ROBO1: variants seen among roughly 807,000 people sequenced by gnomAD.
ROBO1 encodes roundabout homolog 1.
In ROBO1, 149 loss-of-function variants were observed where a neutral mutation model predicts 195.9. The ratio of observed to expected loss-of-function variants is 0.76; its 90% CI spans 0.67 to 0.87. The LOEUF (loss-of-function observed/expected upper bound fraction) is 0.87, where lower values mean the gene tolerates loss of function less well. Ranked by LOEUF, ROBO1 falls within the 40% of genes least tolerant of loss-of-function variation. The probability of loss-of-function intolerance (pLI) is 0.00; values close to 1 mark genes in which losing one functional copy is unlikely to be tolerated. For missense variants in ROBO1, 1,933 were observed against 2,068.3 expected (o/e 0.93, Z 1.27); for synonymous variants, 816 against 733.2 (o/e 1.11, Z -1.82).
rs777784646 is a variant in ROBO1, at chr3:78,746,761, A to T, written c.639T>A (p.Asp213Glu). 1 of 1,543,250 alleles carries T rather than the reference A, an allele frequency of 6.5e-7. No individual in the cohort carries two copies. The change falls in exon 5 of 31, where the codon GAT becomes GAA. Residue 213 changes from aspartate (D) to glutamate (E), a missense_variant. Physicochemically the swap from Asp to Glu is conservative, Grantham distance 45. Transcript: ENST00000464233. ...SWKKDGSPLD[D>E]KDERITIRGG... is the part of the protein sequence containing the mutation. The stretch of plus-strand genomic sequence containing the variant: ...TACTCACAGTTATTCTTTCATCTTT[A>T]TCATCCAGTGGAGAGCCATCTTTCT...
At chr3:79,764,879 G>T (rs1172469215) in intron 1 of ROBO1, among the ~76,000 whole-genome samples, 1 of 152,160 alleles carries the variant, frequency 6.6e-6, no homozygotes, top group Non-Finnish European at 1.5e-5. Context: ...ATTTTGTGCA[G>T]TATAGGGTAA....
At chr3:79,248,461 CAA>C (rs1491375503) in intron 2 of ROBO1, among the ~76,000 whole-genome samples, 2 of 130,076 alleles carry the variant, frequency 1.5e-5, no homozygotes, top group African/African-American at 5.8e-5. Flanking sequence ...GGAAGAAAAA[CAA>C]AAGACTGACA....
intron 4 of ROBO1, among the ~76,000 whole-genome samples, chr3:78,859,501 G>A (rs1054493322): frequency 3.9e-5 from 6 of 152,056 alleles, no homozygotes; most frequent in South Asian, 2.1e-4. Flanking sequence ...TTGAATGTTG[G>A]TTGTTCAACC....
At chr3:79,414,372 CAA>C (rs2037911716) in intron 2 of ROBO1, among the ~76,000 whole-genome samples, 1 of 151,896 alleles carries the variant, frequency 6.6e-6, no homozygotes, top group Non-Finnish European at 1.5e-5. Flanking sequence ...AGAAAATTGT[CAA>C]AAGTTTGTTG....
chr3:79,563,106 G>A (rs1273610386), intron 2 of ROBO1, among the ~76,000 whole-genome samples: 1 of 152,022 alleles, frequency 6.6e-6, no homozygotes, highest in Non-Finnish European at 1.5e-5. Flanking sequence ...AAGTGTCAAA[G>A]CATAATCATC....
intron 1 of ROBO1, among the ~76,000 whole-genome samples, chr3:79,623,135 TCAACAACAA>T (rs34450942): frequency 1.4e-4 from 21 of 150,826 alleles, no homozygotes; most frequent in Admixed American, 7.3e-4. Flanking sequence ...AACAATGGCA[TCAACAACAA>T]CAACAACAAC....
intron 2 of ROBO1, among the ~76,000 whole-genome samples, chr3:79,524,260 T>A (rs1941338970): frequency 6.6e-6 from 1 of 151,964 alleles, no homozygotes; most frequent in Non-Finnish European, 1.5e-5. Context: ...AATCATTAAA[T>A]TTGAACTGTA....
intron 2 of ROBO1, among the ~76,000 whole-genome samples, chr3:79,502,291 G>C (rs980358813): frequency 6.6e-6 from 1 of 152,142 alleles, no homozygotes; most frequent in Admixed American, 6.5e-5. Context: ...GCTGCGCGCG[G>C]CGCTTGCGGG....
At chr3:79,436,232 T>C (rs1282873340) in intron 2 of ROBO1, among the ~76,000 whole-genome samples, 6 of 152,192 alleles carry the variant, frequency 3.9e-5, no homozygotes, top group South Asian at 4.1e-4. Context: ...ACAAATTGCA[T>C]ATGGTTAGTT....
Position 79,602,938 on chromosome 3 carries a change from CTT to C in ROBO1, c.-50-12979_-50-12978del, listed in dbSNP as rs577536938. On this transcript the variant is annotated intron_variant, in intron 1 of 30. Coordinates refer to ENST00000464233, the MANE Select transcript of ROBO1 (RefSeq NM_002941.4). ...TTGCATGTTAGATCTTGGCTCAACT[CTT>C]TTAATAGCGATATTAGCCATAAATA... Among the ~76,000 whole-genome samples the C allele has an allele frequency of 4.5e-3, 685 of 152,072 alleles. 7 individuals carry two copies. Among genetic ancestry groups the C allele is most frequent in the Non-Finnish European group, 7.0e-3 (477 of 67,936 alleles).
At chr3:79,719,846 C>G (rs2107286376) in intron 1 of ROBO1, among the ~76,000 whole-genome samples, 2 of 152,182 alleles carry the variant, frequency 1.3e-5, no homozygotes, top group East Asian at 3.9e-4. Context: ...ATGAGCTTTT[C>G]AAATATTTAT....
intron 3 of ROBO1, among the ~76,000 whole-genome samples, chr3:79,040,767 A>G (rs2108331201): frequency 6.6e-6 from 1 of 152,304 alleles, no homozygotes; most frequent in Middle Eastern, 3.4e-3. Context: ...TACAATTCCT[A>G]GCTCTTGATC....
chr3:79,044,125 C>A (rs2078542282), intron 3 of ROBO1, among the ~76,000 whole-genome samples: 2 of 25,736 alleles, frequency 7.8e-5, no homozygotes, highest in African/African-American at 1.2e-4. Flanking sequence ...AGTTGATGAG[C>A]TAAAAAAAAA....
chr3:79,623,107 G>A (rs553984327), intron 1 of ROBO1, among the ~76,000 whole-genome samples: 44 of 151,636 alleles, frequency 2.9e-4, no homozygotes, highest in Admixed American at 2.1e-3. Flanking sequence ...AAAGAAAAAC[G>A]AACCTACAGA....
chr3:79,436,528 C>T (rs1352836948), intron 2 of ROBO1, among the ~76,000 whole-genome samples: 1 of 152,062 alleles, frequency 6.6e-6, no homozygotes, highest in East Asian at 1.9e-4. Flanking sequence ...TTAGTCAACT[C>T]AATGTTATTT....
chr3:78,746,028 G>A (rs1040347583), intron 5 of ROBO1, among the ~76,000 whole-genome samples: 3 of 152,150 alleles, frequency 2.0e-5, no homozygotes, highest in Non-Finnish European at 4.4e-5. Flanking sequence ...GAATCGTAAA[G>A]GGAAATATTG....
chr3:79,439,176 A>T (rs1311337307), intron 2 of ROBO1, among the ~76,000 whole-genome samples: 1 of 152,100 alleles, frequency 6.6e-6, no homozygotes, highest in Non-Finnish European at 1.5e-5. Context: ...TACCACTAAT[A>T]AATATATGTC....
intron 3 of ROBO1, among the ~76,000 whole-genome samples, chr3:78,984,002 T>C (rs1383755166): frequency 6.6e-6 from 1 of 152,228 alleles, no homozygotes; most frequent in African/African-American, 2.4e-5. Flanking sequence ...GAATTCATGC[T>C]ATTCATGCAT....
At chr3:79,446,421 CACTTG>C (rs1158757128) in intron 2 of ROBO1, among the ~76,000 whole-genome samples, 2 of 152,136 alleles carry the variant, frequency 1.3e-5, no homozygotes, top group East Asian at 3.9e-4. Context: ...TATTTGAGGG[CACTTG>C]ACTTTGTCAC....
Sources: allele counts gnomAD v4.1 joint callset (sites outside exome capture counted in the v4.1 genomes callset), GRCh38; gene constraint gnomAD v4.1.1; transcripts MANE v1.5; gene names NCBI Gene and HGNC (gene_info 2026-07-23, HGNC 2026-07-21).